The following DACH1 variants were observed in gnomAD, a reference collection of about 807,000 sequenced individuals.
DACH1 encodes dachshund family transcription factor 1, also known as dachshund homolog 1.
A neutral mutation model predicts 54.2 loss-of-function variants in DACH1; 12 were observed. The ratio of observed to expected loss-of-function variants is 0.22; its 90% confidence interval spans 0.14 to 0.36. The LOEUF is 0.36. Ranked by LOEUF, DACH1 falls within the 10% of genes least tolerant of loss-of-function variation. The probability of loss-of-function intolerance (pLI) is 1.00; values close to 1 mark genes in which losing one functional copy is unlikely to be tolerated. For synonymous variants in DACH1, 386 were observed against 366.2 expected, an observed-to-expected ratio of 1.05 and a Z score of -0.62; for missense variants, 805 against 929.8, an observed-to-expected ratio of 0.87 and a Z score of 1.75.
intron 6 of DACH1, among the ~76,000 whole-genome samples, chr13:71,529,608 T>C (rs1057408994): frequency 1.5e-4 from 23 of 152,172 alleles, no homozygotes; most frequent in Middle Eastern, 3.2e-3. Context: ...GGAAAATAAC[T>C]TCGGAGAATA....
intron 3 of DACH1, among the ~76,000 whole-genome samples, chr13:71,608,905 T>G (rs1875095151): frequency 6.6e-6 from 1 of 152,096 alleles, no homozygotes. Context: ...TAAAGATAAT[T>G]GTACCTCTCC....
chr13:71,630,589 C>G lies in DACH1; in HGVS notation c.1093G>C (p.Asp365His). 6.3e-7 allele frequency: 1 copy of G among 1,599,180 alleles called. No individual in the cohort carries two copies. Among genetic ancestry groups the G allele is most frequent in the Non-Finnish European group, 8.5e-7 (1 of 1,176,144 alleles). ...YHASNNQHGA[D>H]SENGDMNSSV... ...GAATTCATGTCCCCGTTTTCAGAGT[C>G]TGCTCCATGTTGGTTATTACTGGCA... Residue 365 changes from aspartate (D) to histidine (H), a missense_variant, in exon 3 of 11, where the codon GAC becomes CAC. By Grantham distance (81) the Asp-to-His change is moderately conservative. This residue lies in a region of DACH1 where 472 missense variants were observed against 545.3 expected (regional missense o/e 0.87). Coordinates refer to ENST00000613252, the MANE Select transcript of DACH1 (RefSeq NM_080759.6).
In DACH1 at chr13:71,630,612, G is replaced by A; in HGVS notation, c.1070C>T (p.Ala357Val). 6.2e-7 allele frequency: 1 copy of A among 1,611,246 alleles called. No homozygotes were observed. ...GTCTGCTCCATGTTGGTTATTACTG[G>A]CATGATAGTTGCTCATGGCTTCTAA... ...IKLEAMSNYH[A>V]SNNQHGADSE... The change falls in exon 3 of 11, where the codon GCC becomes GTC. Residue 357 changes from alanine (A) to valine (V), a missense_variant. Physicochemically the swap from Ala to Val is moderately conservative, Grantham distance 64. Coordinates refer to ENST00000613252, the MANE Select transcript of DACH1 (RefSeq NM_080759.6).
intron 1 of DACH1, among the ~76,000 whole-genome samples, chr13:71,820,105 G>GAAA (rs59126150): frequency 0.026 from 1,429 of 54,004 alleles, 118 homozygotes; most frequent in African/African-American, 0.044. Flanking sequence ...TGCCTCTACC[G>GAAA]AAAAAAAAAA....
At chr13:71,621,448 T>C (rs1170276070) in intron 3 of DACH1, among the ~76,000 whole-genome samples, 1 of 152,072 alleles carries the variant, frequency 6.6e-6, no homozygotes, top group East Asian at 1.9e-4. Context: ...AGAAGATCCA[T>C]ATCTGTGAGC....
chr13:71,580,181 CTT>C (rs1885770314), intron 3 of DACH1, among the ~76,000 whole-genome samples: 1 of 152,178 alleles, frequency 6.6e-6, no homozygotes, highest in South Asian at 2.1e-4. Context: ...CTATCTAAAA[CTT>C]ATTCATACAG....
Position 71,438,618 on chromosome 13 carries a change from C to A in DACH1, c.*2037G>T, listed in dbSNP as rs1227613080. Reference sequence around the variant, plus strand: ...CACATAACAAACAGGTGACTCTATGCCAGGAGCAGAGCAATGGCTGATTCT... The same window carrying A: ...CACATAACAAACAGGTGACTCTATGACAGGAGCAGAGCAATGGCTGATTCT... On this transcript the variant is annotated 3_prime_UTR_variant, in exon 11 of 11. Coordinates refer to ENST00000613252, the MANE Select transcript of DACH1 (RefSeq NM_080759.6). 1 of 152,258 alleles carries A rather than the reference C, an allele frequency of 6.6e-6. No individual in the cohort carries two copies. Among genetic ancestry groups the A allele is most frequent in the African/African-American group, 2.4e-5 (1 of 41,392 alleles). 9.4% of individuals were successfully genotyped at this position (152,258 alleles called of 1,614,324 possible).
intron 1 of DACH1, among the ~76,000 whole-genome samples, chr13:71,856,464 C>T (rs577662328): frequency 2.6e-5 from 4 of 151,924 alleles, no homozygotes; most frequent in Admixed American, 2.6e-4. Flanking sequence ...TCAGAGATGA[C>T]AATCATAAAA....
At chr13:71,775,740 T>A (rs1886037465) in intron 1 of DACH1, among the ~76,000 whole-genome samples, 1 of 152,154 alleles carries the variant, frequency 6.6e-6, no homozygotes, top group African/African-American at 2.4e-5. Context: ...TAAACAGAAC[T>A]GAATTTAAAT....
At chr13:71,809,538 A>G (rs1242028122) in intron 1 of DACH1, among the ~76,000 whole-genome samples, 1 of 152,234 alleles carries the variant, frequency 6.6e-6, no homozygotes, top group Non-Finnish European at 1.5e-5. Context: ...CCACAAATTA[A>G]TAAGTAAAAC....
At chr13:71,799,821 G>A in intron 1 of DACH1, among the ~76,000 whole-genome samples, 1 of 152,116 alleles carries the variant, frequency 6.6e-6, no homozygotes, top group East Asian at 1.9e-4. Flanking sequence ...TACAAATGCA[G>A]TAGGCATTAT....
At position 71,866,361 on chromosome 13, in the gene DACH1, T is replaced by G; in HGVS notation, c.409A>C (p.Ser137Arg). 1 of 1,520,300 alleles carries G rather than the reference T, an allele frequency of 6.6e-7. No individual in the cohort carries two copies. Among genetic ancestry groups the G allele is most frequent in the Non-Finnish European group, 8.8e-7 (1 of 1,132,008 alleles). The allele number at this position is 1,520,300 out of a possible 1,614,324, so 94.2% of individuals were successfully genotyped here. A position where few individuals can be genotyped will look rare whatever the true frequency, so the allele number is the denominator to read the frequency against. ...CTGCTGCTGCTGCTGCTGCCGGTGC[T>G]GGCGTTGATGGGGGTGCTGGAAGCG... ...GVASSTPINASTGSSSSSSSS... is the reference protein window; with the variant it reads ...GVASSTPINARTGSSSSSSSS... Residue 137 changes from serine to arginine, a missense_variant, in exon 1 of 11, where the codon AGC (serine) becomes CGC (arginine). Ser to Arg is a moderately radical substitution (Grantham distance 110, BLOSUM62 -1). Around this residue, in one of 3 missense-constraint regions of DACH1, gnomAD observed 305 missense variants for 308.7 expected, o/e 0.99. Coordinates refer to ENST00000613252, the MANE Select transcript of DACH1 (RefSeq NM_080759.6).
chr13:71,838,176 T>A (rs1037889814), intron 1 of DACH1, among the ~76,000 whole-genome samples: 16 of 152,172 alleles, frequency 1.1e-4, no homozygotes, highest in African/African-American at 3.6e-4. Context: ...ACTCGATTCC[T>A]ATTGCCCCCA....
At chr13:71,463,556 G>C (rs539225100) in intron 10 of DACH1, among the ~76,000 whole-genome samples, 1 of 152,028 alleles carries the variant, frequency 6.6e-6, no homozygotes, top group South Asian at 2.1e-4. Flanking sequence ...GAAGCAAGGC[G>C]TATGGAGACA....
intron 1 of DACH1, among the ~76,000 whole-genome samples, chr13:71,687,453 A>G (rs954286523): frequency 2.6e-5 from 4 of 152,190 alleles, no homozygotes; most frequent in Non-Finnish European, 4.4e-5. Flanking sequence ...GAAATCAAGT[A>G]AAGGAAGCAA....
chr13:71,552,167 G>A lies in DACH1; in HGVS notation c.1570+4857C>T, dbSNP rs116620046. On this transcript the variant is annotated intron_variant, in intron 6 of 10. Transcript: ENST00000613252. ...AGAAAAAAATCTGTATAATTTTAAC[G>A]AGGAAAGGGAGAGACAGAGAAAGAG... Among the ~76,000 whole-genome samples the A allele has an allele frequency of 5.6e-3, 848 of 152,186 alleles. 8 individuals carry two copies. Among genetic ancestry groups the A allele is most frequent in the African/African-American group, 0.019 (807 of 41,530 alleles).
At position 71,559,677 on chromosome 13, in the gene DACH1, T is replaced by C. The variant is rs796392446; in HGVS notation, c.1435+143A>G. The stretch of plus-strand genomic sequence containing the variant: ...TCATGATATTGCAAACTGGGAAACA[T>C]AATTTTGAGAGATGGCTATTGCTAC... On this transcript the variant is annotated intron_variant, in intron 5 of 10. Coordinates refer to ENST00000613252, the MANE Select transcript of DACH1 (RefSeq NM_080759.6). 15 of 1,066,964 alleles carry C rather than the reference T, an allele frequency of 1.4e-5. No individual in the cohort carries two copies. In the African/African-American group the frequency reaches 2.1e-4, roughly 15 times the overall value. 66.1% of individuals were successfully genotyped at this position (1,066,964 alleles called of 1,614,324 possible). A position where few individuals can be genotyped will look rare whatever the true frequency, so the allele number is the denominator to read the frequency against.
chr13:71,779,422 A>T (rs1184452107), intron 1 of DACH1, among the ~76,000 whole-genome samples: 1 of 150,876 alleles, frequency 6.6e-6, no homozygotes, highest in Admixed American at 6.6e-5. Context: ...AAGAACAGCT[A>T]TACCCTTTTA....
At chr13:71,738,302 G>A (rs1343412222) in intron 1 of DACH1, among the ~76,000 whole-genome samples, 1 of 151,888 alleles carries the variant, frequency 6.6e-6, no homozygotes, top group Non-Finnish European at 1.5e-5. Context: ...AGGAGAGAGG[G>A]GAATTTTGTC....
Sources: allele counts gnomAD v4.1 joint callset (sites outside exome capture counted in the v4.1 genomes callset), GRCh38; gene constraint gnomAD v4.1.1; regional missense constraint gnomAD v4.1.1; transcripts MANE v1.5; gene names NCBI Gene and HGNC (gene_info 2026-07-23, HGNC 2026-07-21).